The following BMPR1A variants were observed in gnomAD, a reference collection of about 807,000 sequenced individuals.
The protein encoded by BMPR1A is bone morphogenetic protein receptor type 1A.
A neutral mutation model predicts 66.0 loss-of-function variants in BMPR1A; 7 were observed. That is an observed-to-expected ratio of 0.11 (90% CI 0.06 to 0.20). The LOEUF is 0.20. Among genes scored for constraint, BMPR1A ranks in the 10% least tolerant of loss-of-function variants. BMPR1A has a pLI of 1.00. For missense variants in BMPR1A, 408 were observed against 669.1 expected (o/e 0.61, Z 4.31); for synonymous variants, 200 against 229.7 (o/e 0.87, Z 1.17).
intron 1 of BMPR1A, among the ~76,000 whole-genome samples, chr10:86,797,381 C>T (rs553401934): frequency 1.8e-4 from 27 of 152,164 alleles, no homozygotes; most frequent in African/African-American, 6.3e-4. Context: ...CAGGCGCCCA[C>T]CACTATGTCC....
At chr10:86,828,643 ACT>A (rs1842228488) in intron 1 of BMPR1A, among the ~76,000 whole-genome samples, 3 of 151,808 alleles carry the variant, frequency 2.0e-5, no homozygotes, top group Admixed American at 1.3e-4. Context: ...ATCTAGAATC[ACT>A]CTCTGATAAT....
At chr10:86,775,758 G>GT (rs911154860) in intron 1 of BMPR1A, among the ~76,000 whole-genome samples, 71 of 152,098 alleles carry the variant, frequency 4.7e-4, no homozygotes, top group Admixed American at 1.4e-3. Context: ...CCTCTGTGCT[G>GT]TTTCCTTTTC....
chr10:86,847,088 C>G (rs929374801), intron 2 of BMPR1A, among the ~76,000 whole-genome samples: 1 of 152,058 alleles, frequency 6.6e-6, no homozygotes, highest in Non-Finnish European at 1.5e-5. Context: ...TTCCTGACCT[C>G]AAGTGATCTA....
chr10:86,779,457 A>G, intron 1 of BMPR1A, among the ~76,000 whole-genome samples: 1 of 152,000 alleles, frequency 6.6e-6, no homozygotes. Context: ...CCCATTTTTA[A>G]TTGGATTGTT....
chr10:86,765,207 G>A (rs1301375092), intron 1 of BMPR1A, among the ~76,000 whole-genome samples: 2 of 152,020 alleles, frequency 1.3e-5, no homozygotes, highest in African/African-American at 2.4e-5. Flanking sequence ...TAAATCCTTG[G>A]CCAGGTGCTG....
chr10:86,791,839 G>A (rs73348013), intron 1 of BMPR1A, among the ~76,000 whole-genome samples: 8,336 of 147,008 alleles, frequency 0.057, 267 homozygotes, highest in South Asian at 0.085. Context: ...TCCCATGTCA[G>A]CCTTCCCGAG....
At chr10:86,918,045 T>G (rs1219036696) in intron 9 of BMPR1A, among the ~76,000 whole-genome samples, 2 of 152,190 alleles carry the variant, frequency 1.3e-5, no homozygotes, top group African/African-American at 2.4e-5. Flanking sequence ...CTCCTCTGGC[T>G]ACTGGTTGGT....
chr10:86,869,714 G>A (rs539523564), intron 2 of BMPR1A, among the ~76,000 whole-genome samples: 1 of 151,510 alleles, frequency 6.6e-6, no homozygotes, highest in Non-Finnish European at 1.5e-5. Context: ...CTGAGATGGC[G>A]CCATTGCACT....
rs567733221 is a variant in BMPR1A at position 86,923,453 on chromosome 10, G to C, written c.1420G>C (p.Val474Leu). The C allele has an allele frequency of 7.7e-5, 124 of 1,614,240 alleles. No homozygotes were observed. The highest frequency in any genetic ancestry group is 9.9e-5 in the Non-Finnish European group (117 of 1,180,038). ...DPSYEDMREV[V>L]CVKRLRPIVS... The stretch of plus-strand genomic sequence containing the variant: ...GTCATACGAAGATATGCGTGAGGTT[G>C]TGTGTGTCAAACGTTTGCGGCCAAT... The change falls in exon 12 of 13, where the codon GTG becomes CTG. Residue 474 changes from valine (V) to leucine (L), a missense_variant. Val to Leu is a conservative substitution (Grantham distance 32). This residue lies in a region of BMPR1A where 130 missense variants were observed against 257.3 expected (regional missense o/e 0.51). Transcript: ENST00000372037.
At chr10:86,919,022 A>C (rs1409553327) in intron 9 of BMPR1A, 150 bp from the exon 10 acceptor site, 2 of 731,916 alleles carry the variant, frequency 2.7e-6, no homozygotes, top group Admixed American at 2.3e-5. Context: ...TATAATTTTT[A>C]GTAACACATT....
chr10:86,827,762 A>G (rs1032304011), intron 1 of BMPR1A, among the ~76,000 whole-genome samples: 1 of 152,084 alleles, frequency 6.6e-6, no homozygotes, highest in African/African-American at 2.4e-5. Context: ...GGCATTTGAG[A>G]TGTGTTTACT....
At chr10:86,889,418 A>G (rs1843116634) in intron 3 of BMPR1A, among the ~76,000 whole-genome samples, 1 of 152,254 alleles carries the variant, frequency 6.6e-6, no homozygotes, top group Admixed American at 6.5e-5. Context: ...TTTTCCACAT[A>G]GAGGCACAAA....
At chr10:86,822,216 T>C (rs993358360) in intron 1 of BMPR1A, among the ~76,000 whole-genome samples, 3 of 152,194 alleles carry the variant, frequency 2.0e-5, no homozygotes, top group Non-Finnish European at 2.9e-5. Context: ...TCTAAATCTT[T>C]CCATTTGAAA....
At chr10:86,923,294 A>G (rs778233824) in intron 11 of BMPR1A, 82 bp from the exon 12 acceptor site, 21 of 1,575,316 alleles carry the variant, frequency 1.3e-5, no homozygotes, top group Non-Finnish European at 1.7e-5. Flanking sequence ...TTAGTTCCAT[A>G]GTTTAGCAAA....
At chr10:86,805,811 G>C (rs562588763) in intron 1 of BMPR1A, among the ~76,000 whole-genome samples, 2 of 151,548 alleles carry the variant, frequency 1.3e-5, no homozygotes, top group South Asian at 4.2e-4. Context: ...TCATTCTTCA[G>C]TTATCAAATT....
chr10:86,814,041 A>G (rs1377229206), intron 1 of BMPR1A, among the ~76,000 whole-genome samples: 1 of 152,004 alleles, frequency 6.6e-6, no homozygotes, highest in Non-Finnish European at 1.5e-5. Flanking sequence ...TTCCCTTATA[A>G]ATTACTTGAT....
chr10:86,782,110 G>A (rs914649182), intron 1 of BMPR1A, among the ~76,000 whole-genome samples: 10 of 151,888 alleles, frequency 6.6e-5, no homozygotes, highest in African/African-American at 1.5e-4. Flanking sequence ...TGATCCTCCC[G>A]CCTCGGCCTC....
At chr10:86,797,356 G>A (rs1399134551) in intron 1 of BMPR1A, among the ~76,000 whole-genome samples, 4 of 151,418 alleles carry the variant, frequency 2.6e-5, no homozygotes, top group Non-Finnish European at 4.4e-5. Flanking sequence ...TCAGCCTCCT[G>A]AGTAGCTGGG....
At chr10:86,765,142 C>A (rs1024943695) in intron 1 of BMPR1A, among the ~76,000 whole-genome samples, 2 of 152,008 alleles carry the variant, frequency 1.3e-5, no homozygotes, top group African/African-American at 4.8e-5. Flanking sequence ...ACAGTACTGC[C>A]TTTGACTTTC....
Sources: gnomAD v4.1 joint callset for allele counts (sites outside exome capture counted in the v4.1 genomes callset) on GRCh38, gnomAD v4.1.1 for gene constraint, gnomAD v4.1.1 regional missense constraint, MANE v1.5 for transcripts, NCBI Gene and HGNC (gene_info 2026-07-23, HGNC 2026-07-21) for gene names.